Variants in DENND2C observed in about 807,000 individuals in gnomAD.
DENND2C encodes DENN domain-containing protein 2C.
In DENND2C, 72 loss-of-function variants were observed where a neutral mutation model predicts 112.4. That is an observed-to-expected ratio of 0.64 (90% CI 0.53 to 0.78). The LOEUF is 0.78. Ranked by LOEUF, DENND2C falls within the 30% of genes least tolerant of loss-of-function variation. The pLI is 0.00. For synonymous variants in DENND2C, 329 were observed against 381.6 expected (o/e 0.86, Z 1.61); for missense variants, 992 against 1,113.8 (o/e 0.89, Z 1.56).
At chr1:114,661,626 C>G (rs1027460951) in intron 1 of DENND2C, among the ~76,000 whole-genome samples, 1 of 152,130 alleles carries the variant, frequency 6.6e-6, no homozygotes, top group African/African-American at 2.4e-5. Flanking sequence ...TGTCATTTTA[C>G]TCAGATTTTG....
At chr1:114,619,118 T>C (rs1656085985) in intron 7 of DENND2C, among the ~76,000 whole-genome samples, 1 of 152,340 alleles carries the variant, frequency 6.6e-6, no homozygotes, top group East Asian at 1.9e-4. Context: ...ATATAATTGC[T>C]TCTCTCCATT....
chr1:114,656,968 C>A (rs1006885119), intron 1 of DENND2C, among the ~76,000 whole-genome samples: 15 of 151,956 alleles, frequency 9.9e-5, no homozygotes, highest in African/African-American at 3.6e-4. Context: ...CCAGGCTGGT[C>A]TCGAACTCCT....
chr1:114,618,702 G>A (rs531047351), intron 7 of DENND2C, among the ~76,000 whole-genome samples: 10 of 152,336 alleles, frequency 6.6e-5, no homozygotes, highest in African/African-American at 2.4e-4. Flanking sequence ...AAGCAGGAAA[G>A]GATATTGGAT....
rs902017429 is a variant in DENND2C, at chr1:114,618,051, C to T, written c.1324+335G>A. Among the ~76,000 whole-genome samples, 3 of 150,466 alleles carry T rather than the reference C, an allele frequency of 2.0e-5. No homozygotes were observed. In the South Asian group the frequency reaches 6.3e-4, roughly 32 times the overall value. ...TCGTCCAGACTGGAGTGCAGTGGTG[C>T]GATTTCAGCTCACTGCAAGCTCGGC... On this transcript the variant is annotated intron_variant, in intron 8 of 20. Coordinates refer to ENST00000393274, the MANE Select transcript of DENND2C (RefSeq NM_001256404.2).
chr1:114,610,439 G>C (rs1378541624), intron 9 of DENND2C, among the ~76,000 whole-genome samples: 1 of 152,148 alleles, frequency 6.6e-6, no homozygotes, highest in Non-Finnish European at 1.5e-5. Flanking sequence ...GGTGGCTCAC[G>C]CCTGTAATCC....
intron 18 of DENND2C, among the ~76,000 whole-genome samples, chr1:114,592,274 T>A (rs1040198604): frequency 2.0e-5 from 3 of 152,188 alleles, no homozygotes; most frequent in African/African-American, 4.8e-5. Context: ...GTATATGCAC[T>A]CTGTATTCTT....
intron 3 of DENND2C, among the ~76,000 whole-genome samples, chr1:114,642,467 C>T (rs916377134): frequency 6.6e-6 from 1 of 152,202 alleles, no homozygotes; most frequent in African/African-American, 2.4e-5. Flanking sequence ...CAAACACTAA[C>T]ATAGATTTGG....
Position 114,602,204 on chromosome 1 carries a change from G to A in DENND2C, c.1668-10C>T. The A allele has an allele frequency of 2.5e-6, 4 of 1,612,588 alleles. No individual in the cohort carries two copies. The highest frequency in any genetic ancestry group is 3.4e-6 in the Non-Finnish European group (4 of 1,179,292). ...AAAGGAGAATGTTTCACTGAAAAAA[G>A]AGCCAATAGTTAGTTTAGGATCCAA... On this transcript the variant is annotated splice_polypyrimidine_tract_variant and intron_variant, in intron 11 of 20. Coordinates refer to ENST00000393274, the MANE Select transcript of DENND2C (RefSeq NM_001256404.2).
At chr1:114,635,199 T>C (rs1286443410) in intron 3 of DENND2C, among the ~76,000 whole-genome samples, 2 of 152,176 alleles carry the variant, frequency 1.3e-5, no homozygotes, top group Non-Finnish European at 2.9e-5. Context: ...TTCAACATTG[T>C]GGTCTTCAAC....
chr1:114,619,221 G>A (rs904365722), intron 7 of DENND2C, among the ~76,000 whole-genome samples: 16 of 151,994 alleles, frequency 1.1e-4, no homozygotes, highest in South Asian at 2.1e-4. Flanking sequence ...CACAGAATGC[G>A]GTAAAAAAGA....
chr1:114,605,609 T>C (rs976348255), intron 10 of DENND2C, among the ~76,000 whole-genome samples: 3 of 151,896 alleles, frequency 2.0e-5, no homozygotes, highest in South Asian at 2.2e-4. Flanking sequence ...CTGGGCAACA[T>C]GGTGAAACCC....
intron 2 of DENND2C, among the ~76,000 whole-genome samples, chr1:114,649,312 A>T (rs1223096039): frequency 6.6e-6 from 1 of 152,150 alleles, no homozygotes; most frequent in Non-Finnish European, 1.5e-5. Context: ...AACTGTCCCA[A>T]ACTAGAACTT....
At chr1:114,586,436 T>C (rs1655038338) in intron 20 of DENND2C, among the ~76,000 whole-genome samples, 1 of 152,146 alleles carries the variant, frequency 6.6e-6, no homozygotes, top group East Asian at 1.9e-4. Flanking sequence ...CTAGAAATGA[T>C]TAATAATGAT....
chr1:114,633,813 AAATG>A (rs1656568688), intron 3 of DENND2C, among the ~76,000 whole-genome samples: 2 of 152,354 alleles, frequency 1.3e-5, no homozygotes, highest in South Asian at 4.1e-4. Context: ...TACTGTATAT[AAATG>A]GGTTAAGCTC....
chr1:114,604,193 G>C (rs756884993), intron 11 of DENND2C, among the ~76,000 whole-genome samples: 1 of 152,168 alleles, frequency 6.6e-6, no homozygotes, highest in Non-Finnish European at 1.5e-5. Flanking sequence ...GAAGCAACAC[G>C]AAGTTGAAGT....
Position 114,644,035 on chromosome 1 carries a change from C to T in DENND2C, c.-205+1413G>A, listed in dbSNP as rs575950573. ...CTGGAGGGTTTATTTGCCACAGCTA[C>T]ATGACCCTAGGTGTTATCCCCATAA... On this transcript the variant is annotated intron_variant, in intron 3 of 20. Transcript: ENST00000393274. 2.6e-5 allele frequency among the ~76,000 whole-genome samples: 4 copies of T among 152,318 alleles called. No individual in the cohort carries two copies. The South Asian group carries it at 8.3e-4, about 32-fold the overall frequency.
At chr1:114,628,615 A>ACAAT (rs1656409425) in intron 3 of DENND2C, among the ~76,000 whole-genome samples, 1 of 152,258 alleles carries the variant, frequency 6.6e-6, no homozygotes, top group African/African-American at 2.4e-5. Flanking sequence ...AGCTGATTTC[A>ACAAT]CAGTCCCAAT....
chr1:114,625,550 G>C lies in DENND2C; in HGVS notation c.435C>G (p.Thr145=). Residue 145 remains threonine (T), a synonymous_variant, in exon 4 of 21, where the codon ACC becomes ACG. Coordinates refer to ENST00000393274, the MANE Select transcript of DENND2C (RefSeq NM_001256404.2). The part of the protein sequence containing the change: ...ETSLPPGNFY[T]SQILWKKIEA... The stretch of plus-strand genomic sequence containing the variant: ...CTATTTTCTTCCACAGTATTTGTGA[G>C]GTATAGAAGTTTCCTGGAGGTAATG... 1 of 1,614,060 alleles carries C rather than the reference G, an allele frequency of 6.2e-7. No homozygotes were observed. Among genetic ancestry groups the C allele is most frequent in the Non-Finnish European group, 8.5e-7 (1 of 1,180,006 alleles).
At chr1:114,661,105 T>TTAA (rs1306836852) in intron 1 of DENND2C, among the ~76,000 whole-genome samples, 1 of 62,794 alleles carries the variant, frequency 1.6e-5, no homozygotes, top group Non-Finnish European at 2.6e-5. Flanking sequence ...AGACTCCGTC[T>TTAA]CAAAAAAAAA....
Sources: allele counts gnomAD v4.1 joint callset (sites outside exome capture counted in the v4.1 genomes callset), GRCh38; gene constraint gnomAD v4.1.1; transcripts MANE v1.5; gene names NCBI Gene and HGNC (gene_info 2026-07-23, HGNC 2026-07-21).